Variants in SPAG16 observed in about 807,000 individuals in gnomAD.
The protein encoded by SPAG16 is sperm associated antigen 16.
A neutral mutation model predicts 80.4 loss-of-function variants in SPAG16; 86 were observed. The ratio of observed to expected loss-of-function variants is 1.07; its 90% CI spans 0.90 to 1.28. The LOEUF (loss-of-function observed/expected upper bound fraction) is 1.28, where lower values mean the gene tolerates loss of function less well. Ranked by LOEUF, SPAG16 falls within the 50% of genes most tolerant of loss-of-function variation. The pLI is 0.00. For missense variants in SPAG16, 870 were observed against 765.3 expected (o/e 1.14, Z -1.61); for synonymous variants, 294 against 265.9 (o/e 1.11, Z -1.03).
chr2:213,350,757 A>G, intron 7 of SPAG16, 112 bp downstream of exon 7: 1 of 627,148 alleles, frequency 1.6e-6, no homozygotes, highest in Non-Finnish European at 2.7e-6. Flanking sequence ...TTTTCAACCA[A>G]CTTTCATGTA....
At chr2:214,045,734 T>A (rs2049284342) in intron 13 of SPAG16, among the ~76,000 whole-genome samples, 1 of 152,174 alleles carries the variant, frequency 6.6e-6, no homozygotes, top group South Asian at 2.1e-4. Flanking sequence ...AGTTTATAGC[T>A]TTAAGTGCCT....
At chr2:213,674,656 T>G (rs13428969) in intron 10 of SPAG16, among the ~76,000 whole-genome samples, 1 of 149,754 alleles carries the variant, frequency 6.7e-6, no homozygotes, top group Non-Finnish European at 1.5e-5. Flanking sequence ...GTCCTTGCGA[T>G]AGTTTACTGA....
intron 5 of SPAG16, among the ~76,000 whole-genome samples, chr2:213,331,154 G>C (rs2064084888): frequency 6.6e-6 from 1 of 152,196 alleles, no homozygotes; most frequent in Admixed American, 6.5e-5. Context: ...GCCTGTGCCT[G>C]TGTGTTGCCC....
intron 9 of SPAG16, among the ~76,000 whole-genome samples, chr2:213,482,514 A>AAGTGGTAT (rs2073795360): frequency 6.6e-6 from 1 of 152,208 alleles, no homozygotes; most frequent in Non-Finnish European, 1.5e-5. Context: ...TTATAAAATC[A>AAGTGGTAT]AATGGTATAA....
intron 10 of SPAG16, among the ~76,000 whole-genome samples, chr2:213,565,953 G>A (rs760871424): frequency 1.3e-5 from 2 of 152,134 alleles, no homozygotes; most frequent in Non-Finnish European, 2.9e-5. Context: ...TGATTATGAG[G>A]TTCATACTGG....
intron 1 of SPAG16, among the ~76,000 whole-genome samples, chr2:213,286,933 C>T (rs2062075942): frequency 6.6e-6 from 1 of 152,180 alleles, no homozygotes; most frequent in African/African-American, 2.4e-5. Context: ...TAATGGTTTA[C>T]ACACTGGGTT....
At chr2:213,343,739 A>G (rs2064815616) in intron 6 of SPAG16, among the ~76,000 whole-genome samples, 1 of 152,164 alleles carries the variant, frequency 6.6e-6, no homozygotes, top group Non-Finnish European at 1.5e-5. Flanking sequence ...GGACATTGCC[A>G]ATGGAAAGAT....
At chr2:214,107,608 G>A (rs2053448470) in intron 13 of SPAG16, among the ~76,000 whole-genome samples, 1 of 152,050 alleles carries the variant, frequency 6.6e-6, no homozygotes, top group East Asian at 1.9e-4. Flanking sequence ...TTTAATTTTA[G>A]CTATTATTTG....
At chr2:213,600,042 G>A (rs867277506) in intron 10 of SPAG16, among the ~76,000 whole-genome samples, 1 of 152,170 alleles carries the variant, frequency 6.6e-6, no homozygotes, top group African/African-American at 2.4e-5. Context: ...TGCTGTGTAG[G>A]AATTGGCACT....
intron 15 of SPAG16, among the ~76,000 whole-genome samples, chr2:214,337,445 G>A (rs1446653684): frequency 3.3e-5 from 5 of 152,196 alleles, no homozygotes; most frequent in Non-Finnish European, 7.3e-5. Context: ...GATGTAGATG[G>A]CTGTTTCTGA....
At chr2:213,387,294 G>T (rs1222713166) in intron 9 of SPAG16, among the ~76,000 whole-genome samples, 1 of 151,310 alleles carries the variant, frequency 6.6e-6, no homozygotes, top group Non-Finnish European at 1.5e-5. Flanking sequence ...CAGGAAAGGT[G>T]AAAAAGCACT....
chr2:213,781,965 A>G lies in SPAG16; in HGVS notation c.1071-80520A>G, dbSNP rs369511241. Among the ~76,000 whole-genome samples the G allele has an allele frequency of 5.9e-5, 9 of 152,316 alleles. No homozygotes were observed. The East Asian group carries it at 7.7e-4, about 13-fold the overall frequency. Reference sequence around the variant, plus strand: ...AAGAGCTAATAGAGGCACGTTTTCTATAGCAATAACTACCTCCTCTGTGTT... The same window carrying G: ...AAGAGCTAATAGAGGCACGTTTTCTGTAGCAATAACTACCTCCTCTGTGTT... On this transcript the variant is annotated intron_variant, in intron 10 of 15. Coordinates refer to ENST00000331683, the MANE Select transcript of SPAG16 (RefSeq NM_024532.5).
chr2:214,278,568 T>C (rs760896760), intron 15 of SPAG16, among the ~76,000 whole-genome samples: 6 of 152,188 alleles, frequency 3.9e-5, no homozygotes, highest in Non-Finnish European at 8.8e-5. Context: ...AGTCCTTCTA[T>C]AAAGAGACTA....
At chr2:214,165,467 T>G (rs2056609479) in intron 15 of SPAG16, among the ~76,000 whole-genome samples, 1 of 117,434 alleles carries the variant, frequency 8.5e-6, no homozygotes, top group Non-Finnish European at 1.7e-5. Context: ...TGCATCACCA[T>G]CCTTTTTTTT....
At chr2:213,451,147 A>G (rs1027256949) in intron 9 of SPAG16, among the ~76,000 whole-genome samples, 2 of 152,200 alleles carry the variant, frequency 1.3e-5, no homozygotes, top group African/African-American at 4.8e-5. Context: ...AAGCACTTTC[A>G]TGAGTATTAT....
At chr2:213,605,599 C>T (rs77796698) in intron 10 of SPAG16, among the ~76,000 whole-genome samples, 1 of 152,158 alleles carries the variant, frequency 6.6e-6, no homozygotes, top group East Asian at 1.9e-4. Flanking sequence ...AAGCGATTCT[C>T]CTGCCTCAGC....
At chr2:213,311,778 A>G (rs187004183) in intron 4 of SPAG16, among the ~76,000 whole-genome samples, 14 of 151,618 alleles carry the variant, frequency 9.2e-5, no homozygotes, top group Admixed American at 9.2e-4. Flanking sequence ...AATTATAGGA[A>G]TATTAAATAT....
At chr2:214,300,410 C>T (rs55756728) in intron 15 of SPAG16, among the ~76,000 whole-genome samples, 7,880 of 152,140 alleles carry the variant, frequency 0.052, 684 homozygotes, top group African/African-American at 0.18. Context: ...TCCTCATGAA[C>T]ACATAAGCTT....
chr2:214,094,261 AC>A (rs1394663499), intron 13 of SPAG16, among the ~76,000 whole-genome samples: 1 of 152,108 alleles, frequency 6.6e-6, no homozygotes, highest in Admixed American at 6.6e-5. Context: ...GCATTGGCTT[AC>A]CCCAGACCTA....
Sources: gnomAD v4.1 joint callset for allele counts (sites outside exome capture counted in the v4.1 genomes callset) on GRCh38, gnomAD v4.1.1 for gene constraint, MANE v1.5 for transcripts, NCBI Gene and HGNC (gene_info 2026-07-23, HGNC 2026-07-21) for gene names.